The following DTYMK variants were observed in gnomAD, a reference collection of about 807,000 sequenced individuals.
DTYMK encodes deoxythymidylate kinase.
DTYMK carries 20 observed loss-of-function variants against 20.3 expected under a neutral mutation model. The ratio of observed to expected loss-of-function variants is 0.99; its 90% CI spans 0.69 to 1.43. The LOEUF (loss-of-function observed/expected upper bound fraction) is 1.43, where lower values mean the gene tolerates loss of function less well. Ranked by LOEUF, DTYMK falls within the 40% of genes most tolerant of loss-of-function variation. The pLI, the probability that DTYMK is intolerant of heterozygous loss-of-function variation, is 0.00. For missense variants in DTYMK, 320 were observed against 291.1 expected (o/e 1.10, Z -0.72); for synonymous variants, 148 against 124.4 (o/e 1.19, Z -1.27).
chr2:241,684,107 G>A (rs530875664), intron 2 of DTYMK, among the ~76,000 whole-genome samples: 1 of 152,190 alleles, frequency 6.6e-6, no homozygotes, highest in South Asian at 2.1e-4. Flanking sequence ...GCCACAGTTA[G>A]ACATAGAGGA....
At chr2:241,682,287 G>A (rs986947667) in intron 2 of DTYMK, 1 of 453,570 alleles carries the variant, frequency 2.2e-6, no homozygotes, top group African/African-American at 2.0e-5. Flanking sequence ...GCTGCAGTAA[G>A]CTGTGATTGC....
At chr2:241,681,043 T>C (rs1361652723) in intron 2 of DTYMK, among the ~76,000 whole-genome samples, 1 of 152,194 alleles carries the variant, frequency 6.6e-6, no homozygotes, top group Non-Finnish European at 1.5e-5. Context: ...TCCATGCTCA[T>C]GACCCCTAGC....
At position 241,676,026 on chromosome 2, in the gene DTYMK, G is replaced by T; in HGVS notation, c.*101C>A. On this transcript the variant is annotated 3_prime_UTR_variant, in exon 5 of 5. Transcript: ENST00000305784. ...TCTCTGCTGCCGGGAAAGAGCTCCT[G>T]AAGTTGTGGGGTCTGGACTCTGCTG... is the stretch of plus-strand genomic sequence containing the variant. 1 of 1,117,826 alleles carries T rather than the reference G, an allele frequency of 8.9e-7. No individual in the cohort carries two copies. The allele number at this position is 1,117,826 out of a possible 1,614,324, so 69.2% of individuals were successfully genotyped here. A position where few individuals can be genotyped will look rare whatever the true frequency, so the allele number is the denominator to read the frequency against.
Position 241,676,084 on chromosome 2 carries a change from C to A in DTYMK, c.*43G>T. The A allele has an allele frequency of 1.9e-6, 3 of 1,561,494 alleles. No individual in the cohort carries two copies. Among genetic ancestry groups the A allele is most frequent in the Middle Eastern group, 2.1e-4 (1 of 4,664 alleles). ...GGCCTTCCGCGAGTCTCCCACCTCT[C>A]GGGGGACTGCAGGGAGAGGCGTCTC... is the stretch of plus-strand genomic sequence containing the variant. On this transcript the variant is annotated 3_prime_UTR_variant, in exon 5 of 5. Transcript: ENST00000305784.
At chr2:241,682,859 G>T in intron 2 of DTYMK, 1 of 169,734 alleles carries the variant, frequency 5.9e-6, no homozygotes, top group Non-Finnish European at 1.3e-5. Flanking sequence ...GCGAGGCGTA[G>T]GTTGCAGTGA....
chr2:241,676,498 G>A (rs1441193308), intron 4 of DTYMK, among the ~76,000 whole-genome samples: 3 of 152,220 alleles, frequency 2.0e-5, no homozygotes, highest in Admixed American at 2.0e-4. Flanking sequence ...CTCTGTGCTC[G>A]TGGGGATTTC....
At position 241,678,382 on chromosome 2, in the gene DTYMK, T is replaced by C. The variant is rs138626736; in HGVS notation, c.528+70A>G. The C allele has an allele frequency of 9.8e-4, 1,559 of 1,597,270 alleles. 14 individuals are homozygous for C. In the African/African-American group the frequency reaches 0.019, roughly 19 times the overall value. On this transcript the variant is annotated intron_variant, in intron 4 of 4. Coordinates refer to ENST00000305784, the MANE Select transcript of DTYMK (RefSeq NM_012145.4). Reference sequence around the variant, plus strand: ...GGCAGCAGCTTTGCTGACACAACTGTGCCAGCCACCACGGTGTCATCCTGA... The same window carrying C: ...GGCAGCAGCTTTGCTGACACAACTGCGCCAGCCACCACGGTGTCATCCTGA...
intron 4 of DTYMK, among the ~76,000 whole-genome samples, chr2:241,678,140 C>T (rs2069158709): frequency 2.0e-5 from 3 of 152,034 alleles, no homozygotes; most frequent in Admixed American, 6.6e-5. Context: ...CATGATGGCA[C>T]GTGCCTGTAA....
At chr2:241,682,308 C>T (rs1341594188) in intron 2 of DTYMK, 2 of 444,948 alleles carry the variant, frequency 4.5e-6, no homozygotes, top group East Asian at 1.4e-4. Context: ...GCACTGCACT[C>T]AGCCTGCATG....
At chr2:241,683,449 T>C (rs1223547349) in intron 2 of DTYMK, among the ~76,000 whole-genome samples, 1 of 152,138 alleles carries the variant, frequency 6.6e-6, no homozygotes, top group Non-Finnish European at 1.5e-5. Context: ...TTTTTTAAGC[T>C]CATCAGCAAT....
intron 4 of DTYMK, among the ~76,000 whole-genome samples, chr2:241,677,668 G>A (rs554195355): frequency 1.3e-5 from 2 of 152,348 alleles, no homozygotes; most frequent in Admixed American, 6.5e-5. Context: ...GAGCAGAGGC[G>A]GCCAGCCTGC....
At chr2:241,678,025 C>A (rs768276212) in intron 4 of DTYMK, among the ~76,000 whole-genome samples, 2 of 152,178 alleles carry the variant, frequency 1.3e-5, no homozygotes, top group Admixed American at 1.3e-4. Flanking sequence ...CCTATAATCC[C>A]AGCACTTTGG....
intron 2 of DTYMK, chr2:241,682,390 T>C (rs1037826560): frequency 1.1e-4 from 38 of 345,648 alleles, no homozygotes; most frequent in Non-Finnish European, 2.1e-4. Context: ...AACCACAGCC[T>C]AGGAGAAAAT....
intron 4 of DTYMK, 37 bp from the exon 5 acceptor site, chr2:241,676,274 A>C (rs776279006): frequency 4.4e-6 from 7 of 1,581,172 alleles, no homozygotes; most frequent in East Asian, 2.3e-5. Flanking sequence ...AAAGAGGCTC[A>C]TCAGCACGTT....
intron 2 of DTYMK, among the ~76,000 whole-genome samples, chr2:241,683,981 C>T (rs746094258): frequency 2.6e-5 from 4 of 151,936 alleles, no homozygotes; most frequent in African/African-American, 9.7e-5. Flanking sequence ...TGCTTGAACC[C>T]GGGAGGCGGC....
chr2:241,681,126 T>G (rs1025354121), intron 2 of DTYMK, among the ~76,000 whole-genome samples: 3 of 152,130 alleles, frequency 2.0e-5, no homozygotes, highest in African/African-American at 4.8e-5. Context: ...AGATCACAGA[T>G]GTACAAAGAC....
At chr2:241,682,335 T>TA (rs35830899) in intron 2 of DTYMK, 2 of 397,034 alleles carry the variant, frequency 5.0e-6, no homozygotes, top group Admixed American at 3.2e-5. Context: ...AGACCCTGTC[T>TA]AAAAAAAGAA....
At position 241,676,098 on chromosome 2, in the gene DTYMK, G is replaced by T; in HGVS notation, c.*29C>A. The T allele has an allele frequency of 6.3e-7, 1 of 1,581,304 alleles. No individual in the cohort carries two copies. On this transcript the variant is annotated 3_prime_UTR_variant, in exon 5 of 5. Coordinates refer to ENST00000305784, the MANE Select transcript of DTYMK (RefSeq NM_012145.4). Reference sequence around the variant, plus strand: ...CTCCCACCTCTCGGGGGACTGCAGGGAGAGGCGTCTCCAGTGGGCAGCCTT... The same window carrying T: ...CTCCCACCTCTCGGGGGACTGCAGGTAGAGGCGTCTCCAGTGGGCAGCCTT...
chr2:241,676,786 G>A (rs922127095), intron 4 of DTYMK, among the ~76,000 whole-genome samples: 10 of 152,214 alleles, frequency 6.6e-5, no homozygotes, highest in African/African-American at 1.2e-4. Flanking sequence ...AGCCCACCAG[G>A]TCGAGGTGAC....
Sources: gnomAD v4.1 joint callset for allele counts (sites outside exome capture counted in the v4.1 genomes callset) on GRCh38, gnomAD v4.1.1 for gene constraint, MANE v1.5 for transcripts, NCBI Gene and HGNC (gene_info 2026-07-23, HGNC 2026-07-21) for gene names.